SUGCT: variants seen among roughly 807,000 people sequenced by gnomAD.
SUGCT encodes succinyl-CoA:glutarate CoA-transferase.
In SUGCT, 41 loss-of-function variants were observed where a neutral mutation model predicts 55.0. That is an observed-to-expected ratio of 0.74 (90% confidence interval 0.58 to 0.97). SUGCT has a LOEUF of 0.97. Among genes scored for constraint, SUGCT ranks in the 50% least tolerant of loss-of-function variants. The probability of loss-of-function intolerance (pLI) is 0.00; values close to 1 mark genes in which losing one functional copy is unlikely to be tolerated. For missense variants in SUGCT, 568 were observed against 547.8 expected (o/e 1.04, Z -0.37); for synonymous variants, 187 against 200.4 (o/e 0.93, Z 0.56).
intron 9 of SUGCT, among the ~76,000 whole-genome samples, chr7:40,377,208 CTT>C (rs371555042): frequency 5.3e-3 from 29 of 5,450 alleles, no homozygotes; most frequent in Non-Finnish European, 8.6e-3. Context: ...CTTTTCTTTT[CTT>C]TTCTTTCTTT....
the SUGCT span, among the ~76,000 whole-genome samples, chr7:40,888,104 C>T: frequency 6.6e-6 from 1 of 152,142 alleles, no homozygotes; most frequent in Non-Finnish European, 1.5e-5. Context: ...CATCCATGCC[C>T]TCATTTTGCA....
At chr7:40,815,144 G>A (rs1454676694) in intron 13 of SUGCT, among the ~76,000 whole-genome samples, 1 of 152,214 alleles carries the variant, frequency 6.6e-6, no homozygotes, top group Non-Finnish European at 1.5e-5. Flanking sequence ...GCTGTGGAGT[G>A]CACAGTGGTC....
intron 12 of SUGCT, among the ~76,000 whole-genome samples, chr7:40,719,181 T>C (rs1012965007): frequency 6.6e-6 from 1 of 152,236 alleles, no homozygotes; most frequent in African/African-American, 2.4e-5. Flanking sequence ...GCATTGACTG[T>C]GTCCTGCTTT....
intron 12 of SUGCT, among the ~76,000 whole-genome samples, chr7:40,544,216 T>C (rs563424611): frequency 1.5e-4 from 23 of 151,912 alleles, no homozygotes; most frequent in Non-Finnish European, 2.9e-4. Context: ...TTTTCTTAAT[T>C]TGTAGAAAGG....
chr7:40,222,337 A>G (rs1175183073), intron 6 of SUGCT, among the ~76,000 whole-genome samples: 5 of 152,234 alleles, frequency 3.3e-5, no homozygotes, highest in African/African-American at 1.2e-4. Context: ...TAATACAATT[A>G]AATAAGACCT....
the SUGCT span, among the ~76,000 whole-genome samples, chr7:40,909,479 A>G: frequency 1.6e-4 from 25 of 152,116 alleles, no homozygotes; most frequent in African/African-American, 4.8e-4. Context: ...CTGACAGTCA[A>G]AATTGGTTGC....
chr7:40,200,502 GA>G (rs1220857345), intron 6 of SUGCT, among the ~76,000 whole-genome samples: 1 of 152,104 alleles, frequency 6.6e-6, no homozygotes, highest in African/African-American at 2.4e-5. Flanking sequence ...TGAGCAAGGG[GA>G]GAAGTGATTG....
chr7:41,035,952 G>T, the SUGCT span, among the ~76,000 whole-genome samples: 1 of 152,172 alleles, frequency 6.6e-6, no homozygotes, highest in African/African-American at 2.4e-5. Flanking sequence ...TCCTCAGGGG[G>T]AGCAGCCCCA....
intron 12 of SUGCT, among the ~76,000 whole-genome samples, chr7:40,561,617 T>C (rs1306784862): frequency 1.3e-5 from 2 of 151,658 alleles, no homozygotes; most frequent in African/African-American, 2.4e-5. Context: ...GGGAGATAAC[T>C]TGAAGCACAA....
intron 13 of SUGCT, among the ~76,000 whole-genome samples, chr7:40,832,226 C>T (rs1222281985): frequency 6.6e-6 from 1 of 152,122 alleles, no homozygotes; most frequent in African/African-American, 2.4e-5. Flanking sequence ...CTGGTTCTTG[C>T]TCCGCTTCCT....
the SUGCT span, among the ~76,000 whole-genome samples, chr7:40,969,495 G>A: frequency 1.7e-4 from 26 of 152,220 alleles, no homozygotes; most frequent in African/African-American, 5.8e-4. Flanking sequence ...TGAGTAGCTA[G>A]GACCATACCA....
chr7:40,708,779 C>G (rs899460706), intron 12 of SUGCT, among the ~76,000 whole-genome samples: 1 of 152,098 alleles, frequency 6.6e-6, no homozygotes, highest in African/African-American at 2.4e-5. Context: ...CAATGCACTC[C>G]CCAACCCCCA....
At chr7:40,391,024 G>A (rs1785400985) in intron 9 of SUGCT, among the ~76,000 whole-genome samples, 1 of 152,154 alleles carries the variant, frequency 6.6e-6, no homozygotes, top group Admixed American at 6.5e-5. Context: ...ACAGAAACAA[G>A]AAATGGGGAA....
the SUGCT span, among the ~76,000 whole-genome samples, chr7:40,872,789 C>T: frequency 6.6e-6 from 1 of 152,222 alleles, no homozygotes; most frequent in Non-Finnish European, 1.5e-5. Context: ...TAACCCAGAA[C>T]TGTAGGGAAG....
At position 40,236,717 on chromosome 7, in the gene SUGCT, AGTAGAGTG is replaced by A. The variant is rs1205146465; in HGVS notation, c.485-915_485-908del. On this transcript the variant is annotated intron_variant, in intron 6 of 13. Transcript: ENST00000335693. The stretch of plus-strand genomic sequence containing the variant: ...TTGAAACCCGGCTGAGGCATATGGA[AGTAGAGTG>A]GTGGACCCTGTGGCAAATCAGAGGA... Among the ~76,000 whole-genome samples, 9 of 152,278 alleles carry A rather than the reference AGTAGAGTG, an allele frequency of 5.9e-5. No homozygotes were observed. The East Asian group carries it at 9.7e-4, about 16-fold the overall frequency.
At chr7:40,240,410 G>A (rs1348364010) in intron 7 of SUGCT, among the ~76,000 whole-genome samples, 1 of 152,050 alleles carries the variant, frequency 6.6e-6, no homozygotes, top group Non-Finnish European at 1.5e-5. Flanking sequence ...TTGAACCTGG[G>A]AGGCAGGGAT....
intron 6 of SUGCT, among the ~76,000 whole-genome samples, chr7:40,195,754 G>T (rs1223084352): frequency 1.8e-5 from 2 of 111,824 alleles, no homozygotes; most frequent in Non-Finnish European, 3.3e-5. Flanking sequence ...TCACTCTGTC[G>T]CCCAGCCTGG....
In SUGCT at chr7:40,860,297, T is replaced by C; in HGVS notation, c.1154-19T>C. On this transcript the variant is annotated intron_variant, in intron 13 of 13. Transcript: ENST00000335693. The stretch of plus-strand genomic sequence containing the variant: ...GGTTAGTCATTAACAGGCTTCCTGC[T>C]TTCCTTCTCCTTTGGCAGGCCCAGC... 15 of 1,613,910 alleles carry C rather than the reference T, an allele frequency of 9.3e-6. No homozygotes were observed. The highest frequency in any genetic ancestry group is 1.3e-5 in the Non-Finnish European group (15 of 1,179,816).
intron 7 of SUGCT, among the ~76,000 whole-genome samples, chr7:40,271,405 G>A (rs1013646469): frequency 6.6e-6 from 1 of 152,116 alleles, no homozygotes; most frequent in Non-Finnish European, 1.5e-5. Context: ...TGGGATTATA[G>A]GAATGAGCCT....
Sources: gnomAD v4.1 joint callset for allele counts (sites outside exome capture counted in the v4.1 genomes callset) on GRCh38, gnomAD v4.1.1 for gene constraint, MANE v1.5 for transcripts, NCBI Gene and HGNC (gene_info 2026-07-23, HGNC 2026-07-21) for gene names.